COL23A1: variants seen among roughly 807,000 people sequenced by gnomAD.
COL23A1 encodes collagen alpha-1(XXIII) chain.
COL23A1 carries 97 observed loss-of-function variants against 99.3 expected under a neutral mutation model. The ratio of observed to expected loss-of-function variants is 0.98; its 90% CI spans 0.83 to 1.16. The LOEUF (loss-of-function observed/expected upper bound fraction) is 1.16, where lower values mean the gene tolerates loss of function less well. COL23A1 is among the 50% of genes most tolerant of loss of function. COL23A1 has a pLI of 0.00. For synonymous variants in COL23A1, 320 were observed against 308.2 expected (o/e 1.04, Z -0.40); for missense variants, 762 against 757.4 (o/e 1.01, Z -0.07).
intron 2 of COL23A1, among the ~76,000 whole-genome samples, chr5:178,356,714 G>A (rs1761674711): frequency 6.6e-6 from 1 of 152,182 alleles, no homozygotes; most frequent in African/African-American, 2.4e-5. Context: ...TTGGCTGCCT[G>A]AGGAGGAGGC....
chr5:178,260,077 C>T (rs1561799852), intron 11 of COL23A1, among the ~76,000 whole-genome samples: 1 of 152,208 alleles, frequency 6.6e-6, no homozygotes, highest in South Asian at 2.1e-4. Flanking sequence ...GCTCCGTCTC[C>T]GTCAGCGAGG....
chr5:178,422,853 T>C (rs181516368), intron 2 of COL23A1, among the ~76,000 whole-genome samples: 1 of 152,312 alleles, frequency 6.6e-6, no homozygotes, highest in East Asian at 1.9e-4. Flanking sequence ...TAAATCATGA[T>C]TATAGATAGT....
rs1301848732 is a variant in COL23A1, at chr5:178,308,387, C to T, written c.362-1468G>A. 6.6e-6 allele frequency among the ~76,000 whole-genome samples: 1 copy of T among 152,138 alleles called. No homozygotes were observed. The highest frequency in any genetic ancestry group is 6.5e-5 in the Admixed American group (1 of 15,278). On this transcript the variant is annotated intron_variant, in intron 2 of 28. Coordinates refer to ENST00000390654, the MANE Select transcript of COL23A1 (RefSeq NM_173465.4). This position sits in a 1 kb window ranked among gnomAD's most constrained non-coding sequence, Gnocchi z 5.1. The stretch of plus-strand genomic sequence containing the variant: ...ATGAAAAACATGTTACTTCTTGCTC[C>T]CCTGAGTTTTAAGGGCAAAAGTGCA...
In COL23A1 at chr5:178,544,587, C is replaced by G. The variant is rs1761478860; in HGVS notation, c.361+16095G>C. Among the ~76,000 whole-genome samples the G allele has an allele frequency of 6.6e-6, 1 of 152,186 alleles. No homozygotes were observed. Among genetic ancestry groups the G allele is most frequent in the Admixed American group, 6.5e-5 (1 of 15,284 alleles). On this transcript the variant is annotated intron_variant, in intron 2 of 28. Coordinates refer to ENST00000390654, the MANE Select transcript of COL23A1 (RefSeq NM_173465.4). This position sits in a 1 kb window ranked among gnomAD's most constrained non-coding sequence, Gnocchi z 4.4. ...GGAAGCATGTCCCTCCTGGGTACAGCTGACATGTGAGCAAGCACTTTGGCC... is the reference window on the plus strand; with the variant it reads ...GGAAGCATGTCCCTCCTGGGTACAGGTGACATGTGAGCAAGCACTTTGGCC...
In COL23A1 at chr5:178,310,621, G is replaced by C. The variant is rs905695480; in HGVS notation, c.362-3702C>G. On this transcript the variant is annotated intron_variant, in intron 2 of 28. Transcript: ENST00000390654. This position sits in a 1 kb window ranked among gnomAD's most constrained non-coding sequence, Gnocchi z 4.3. ...AGGACAGTTGTGTCCCATATGCTGA[G>C]CTACCGGGCAGGCGGCCTTGGCGAC... Among the ~76,000 whole-genome samples, 6 of 152,122 alleles carry C rather than the reference G, an allele frequency of 3.9e-5. No homozygotes were observed. Among genetic ancestry groups the C allele is most frequent in the African/African-American group, 1.4e-4 (6 of 41,430 alleles).
intron 2 of COL23A1, among the ~76,000 whole-genome samples, chr5:178,546,595 T>C (rs1761593186): frequency 6.6e-6 from 1 of 152,086 alleles, no homozygotes; most frequent in South Asian, 2.1e-4. Context: ...CCACTAACAC[T>C]TACTGGACGA....
rs1256191948 is a variant in COL23A1, at chr5:178,561,950, C to A, written c.295-1202G>T. 3 of 383,434 alleles carry A rather than the reference C, an allele frequency of 7.8e-6. No individual in the cohort carries two copies. The East Asian group carries it at 2.1e-4, about 27-fold the overall frequency. 23.8% of individuals were successfully genotyped at this position (383,434 alleles called of 1,614,324 possible). A position where few individuals can be genotyped will look rare whatever the true frequency, so the allele number is the denominator to read the frequency against. The stretch of plus-strand genomic sequence containing the variant: ...GCGCTTCACAGTTCCACTCCACCTG[C>A]CATTTCAGCCTCATTTTACAGACGG... On this transcript the variant is annotated intron_variant, in intron 1 of 28. Transcript: ENST00000390654.
chr5:178,470,420 T>C (rs531329453), intron 2 of COL23A1, among the ~76,000 whole-genome samples: 9 of 152,280 alleles, frequency 5.9e-5, no homozygotes, highest in African/African-American at 2.2e-4. Flanking sequence ...CTGGAAAGAC[T>C]GCCTAGACAA....
At chr5:178,356,925 G>C (rs1761689352) in intron 2 of COL23A1, among the ~76,000 whole-genome samples, 1 of 152,218 alleles carries the variant, frequency 6.6e-6, no homozygotes, top group African/African-American at 2.4e-5. Context: ...CACCTCTCCA[G>C]ATAATTAGAG....
At chr5:178,520,636 G>A (rs919483201) in intron 2 of COL23A1, among the ~76,000 whole-genome samples, 1 of 152,164 alleles carries the variant, frequency 6.6e-6, no homozygotes, top group African/African-American at 2.4e-5. Flanking sequence ...TCCAATTTCA[G>A]CCCAGCCACA....
chr5:178,417,673 G>A (rs992525048), intron 2 of COL23A1, among the ~76,000 whole-genome samples: 3 of 152,276 alleles, frequency 2.0e-5, no homozygotes, highest in South Asian at 4.1e-4. Flanking sequence ...CTGATTAGAC[G>A]GGGAATACTC....
Position 178,407,290 on chromosome 5 carries a change from C to T in COL23A1, c.362-100371G>A, listed in dbSNP as rs117664408. Among the ~76,000 whole-genome samples, 111 of 152,370 alleles carry T rather than the reference C, an allele frequency of 7.3e-4. 3 individuals are homozygous for T. The East Asian group carries it at 0.019, about 25-fold the overall frequency. On this transcript the variant is annotated intron_variant, in intron 2 of 28. Transcript: ENST00000390654. ...AAGCTCAGTTGAAAAGTTGGACTTT[C>T]ACCCTCCACCTGAAAGTAATGAAGT... is the stretch of plus-strand genomic sequence containing the variant.
intron 2 of COL23A1, among the ~76,000 whole-genome samples, chr5:178,509,513 G>A (rs1041001019): frequency 1.3e-5 from 2 of 152,082 alleles, no homozygotes; most frequent in African/African-American, 4.8e-5. Flanking sequence ...GAGCCACCGT[G>A]CCCGGCCAGA....
chr5:178,301,298 G>C (rs767017225), intron 3 of COL23A1, among the ~76,000 whole-genome samples: 1 of 152,062 alleles, frequency 6.6e-6, no homozygotes, highest in Non-Finnish European at 1.5e-5. Flanking sequence ...CTTTTGATCT[G>C]TTTATTGATA....
chr5:178,440,829 C>T (rs1036603887), intron 2 of COL23A1, among the ~76,000 whole-genome samples: 1 of 152,050 alleles, frequency 6.6e-6, no homozygotes, highest in African/African-American at 2.4e-5. Context: ...GTTGGCCAGG[C>T]CGGTCTCGGA....
chr5:178,511,951 C>T (rs898372205), intron 2 of COL23A1, among the ~76,000 whole-genome samples: 4 of 152,162 alleles, frequency 2.6e-5, no homozygotes, highest in African/African-American at 9.7e-5. Flanking sequence ...TTGCACATTC[C>T]TATTGGGAGT....
At chr5:178,426,269 TCCTA>T (rs1484337554) in intron 2 of COL23A1, among the ~76,000 whole-genome samples, 1 of 152,230 alleles carries the variant, frequency 6.6e-6, no homozygotes, top group African/African-American at 2.4e-5. Context: ...CTTTGTGGAT[TCCTA>T]CCTAGTCTAC....
At chr5:178,303,072 C>T (rs1324554975) in intron 3 of COL23A1, among the ~76,000 whole-genome samples, 1 of 152,260 alleles carries the variant, frequency 6.6e-6, no homozygotes. Context: ...GCAGTCTCAG[C>T]TCACTGCAAC....
intron 3 of COL23A1, among the ~76,000 whole-genome samples, chr5:178,305,023 A>T (rs1003934094): frequency 1.3e-5 from 2 of 152,216 alleles, no homozygotes; most frequent in Non-Finnish European, 2.9e-5. Context: ...TCCTAAAAAA[A>T]TGACTCTGTG....
Sources: gnomAD v4.1 joint callset for allele counts (sites outside exome capture counted in the v4.1 genomes callset) on GRCh38, gnomAD v4.1.1 for gene constraint, Gnocchi (gnomAD v3.1) non-coding constraint, MANE v1.5 for transcripts, NCBI Gene and HGNC (gene_info 2026-07-23, HGNC 2026-07-21) for gene names.